GAP43: variants seen among roughly 807,000 people sequenced by gnomAD.
GAP43 encodes the protein neuromodulin.
GAP43 carries 6 observed loss-of-function variants against 18.6 expected under a neutral mutation model. That is an observed-to-expected ratio of 0.32 (90% CI 0.18 to 0.64). GAP43 has a LOEUF of 0.64. Ranked by LOEUF, GAP43 falls within the 30% of genes least tolerant of loss-of-function variation. The probability of loss-of-function intolerance (pLI) is 0.78; values close to 1 mark genes in which losing one functional copy is unlikely to be tolerated. For synonymous variants in GAP43, 115 were observed against 111.4 expected (o/e 1.03, Z -0.20); for missense variants, 292 against 295.5 (o/e 0.99, Z 0.09).
intron 2 of GAP43, among the ~76,000 whole-genome samples, chr3:115,717,519 A>G (rs1185305371): frequency 3.3e-5 from 5 of 151,830 alleles, no homozygotes; most frequent in Admixed American, 6.6e-5. Flanking sequence ...ATTTTGGCCA[A>G]GCTGGTCCCG....
rs1709578230 is a variant in GAP43, at chr3:115,721,386, A to C, written c.*504A>C. The C allele has an allele frequency of 6.6e-6, 1 of 152,244 alleles. No individual in the cohort carries two copies. Among genetic ancestry groups the C allele is most frequent in the Admixed American group, 6.5e-5 (1 of 15,282 alleles). 9.4% of individuals were successfully genotyped at this position (152,244 alleles called of 1,614,324 possible). On this transcript the variant is annotated 3_prime_UTR_variant, in exon 3 of 3. Transcript: ENST00000305124. ...AATTCAAAAAACCCAGTTTGTTTTA[A>C]AAATAAATAAATAAAGCAAATGTGC... is the stretch of plus-strand genomic sequence containing the variant.
intron 2 of GAP43, among the ~76,000 whole-genome samples, chr3:115,712,948 G>T (rs1577003525): frequency 6.6e-6 from 1 of 152,204 alleles, no homozygotes; most frequent in African/African-American, 2.4e-5. Flanking sequence ...TGGGGGCAGA[G>T]ATGTTACTTG....
intron 2 of GAP43, among the ~76,000 whole-genome samples, chr3:115,719,888 G>GTAAAC (rs1709555568): frequency 6.6e-6 from 1 of 152,138 alleles, no homozygotes; most frequent in Non-Finnish European, 1.5e-5. Flanking sequence ...TAGCATATTA[G>GTAAAC]TAAACTATCA....
In GAP43 at chr3:115,646,437, T is replaced by C. The variant is rs181459230; in HGVS notation, c.30+22718T>C. Among the ~76,000 whole-genome samples, 566 of 152,224 alleles carry C rather than the reference T, an allele frequency of 3.7e-3. 2 individuals are homozygous for C. Among genetic ancestry groups the C allele is most frequent in the African/African-American group, 0.013 (534 of 41,556 alleles). ...AGGATAGTAGCTGAAGAATAAGACC[T>C]CAAGATTATAGCATTTAAACTTTGC... On this transcript the variant is annotated intron_variant, in intron 1 of 2. Transcript: ENST00000305124.
chr3:115,623,741 T>C, intron 1 of GAP43, 22 bp downstream of exon 1: 1 of 1,613,876 alleles, frequency 6.2e-7, no homozygotes, highest in Non-Finnish European at 8.5e-7. Flanking sequence ...GATTTTTTAC[T>C]TCTTGCTGTT....
At chr3:115,711,893 G>C (rs953398998) in intron 2 of GAP43, among the ~76,000 whole-genome samples, 3 of 152,074 alleles carry the variant, frequency 2.0e-5, no homozygotes, top group African/African-American at 7.2e-5. Context: ...TGTAATAATG[G>C]TAAGAAATAA....
chr3:115,703,421 G>A (rs965178965), intron 2 of GAP43, among the ~76,000 whole-genome samples: 1 of 152,020 alleles, frequency 6.6e-6, no homozygotes, highest in African/African-American at 2.4e-5. Context: ...AAACTTAGAG[G>A]GAGTAGATTT....
At chr3:115,631,953 A>G (rs752571950) in intron 1 of GAP43, among the ~76,000 whole-genome samples, 4 of 152,166 alleles carry the variant, frequency 2.6e-5, no homozygotes, top group African/African-American at 7.2e-5. Context: ...GGATGGGAAC[A>G]TAGTATCTGT....
At chr3:115,627,464 G>A (rs961703382) in intron 1 of GAP43, among the ~76,000 whole-genome samples, 1 of 151,388 alleles carries the variant, frequency 6.6e-6, no homozygotes. Context: ...AGAGTGGCTT[G>A]GGGTCTCCTT....
At chr3:115,718,600 G>T (rs1418499333) in intron 2 of GAP43, among the ~76,000 whole-genome samples, 1 of 152,138 alleles carries the variant, frequency 6.6e-6, no homozygotes, top group Non-Finnish European at 1.5e-5. Flanking sequence ...CTTATAAGTA[G>T]TAGTAGGTAG....
Position 115,627,045 on chromosome 3 carries a change from T to C in GAP43, c.30+3326T>C, listed in dbSNP as rs183470427. Among the ~76,000 whole-genome samples, 293 of 151,564 alleles carry C rather than the reference T, an allele frequency of 1.9e-3. 1 individual carries two copies. Among genetic ancestry groups the C allele is most frequent in the African/African-American group, 6.3e-3 (260 of 41,388 alleles). On this transcript the variant is annotated intron_variant, in intron 1 of 2. Transcript: ENST00000305124. Reference sequence around the variant, plus strand: ...AATATAATTGAAGCTTCTCGTTCTTTTTTTTTTTTTTAATAGTGATTTTCA... The same window carrying C: ...AATATAATTGAAGCTTCTCGTTCTTCTTTTTTTTTTTAATAGTGATTTTCA...
chr3:115,663,839 G>A, intron 1 of GAP43: 1 of 1,551,984 alleles, frequency 6.4e-7, no homozygotes, highest in Non-Finnish European at 8.7e-7. Context: ...TTGCCTGGGA[G>A]GCTTGAGGAA....
intron 1 of GAP43, among the ~76,000 whole-genome samples, chr3:115,635,059 C>A (rs1708311045): frequency 6.6e-6 from 1 of 152,090 alleles, no homozygotes; most frequent in Non-Finnish European, 1.5e-5. Context: ...AACACCAATT[C>A]TTTCTTTAGT....
At chr3:115,663,783 C>A (rs768145260) in intron 1 of GAP43, 3 of 1,551,682 alleles carry the variant, frequency 1.9e-6, no homozygotes, top group Middle Eastern at 1.7e-4. Context: ...CTGGCGATGA[C>A]AAAGTCCTGC....
chr3:115,694,844 T>C (rs2107361172), intron 2 of GAP43, among the ~76,000 whole-genome samples: 1 of 152,378 alleles, frequency 6.6e-6, no homozygotes, highest in Middle Eastern at 3.4e-3. Context: ...TAATAATTGC[T>C]ATTCATGTCA....
At chr3:115,629,507 C>A (rs1241903910) in intron 1 of GAP43, among the ~76,000 whole-genome samples, 1 of 151,884 alleles carries the variant, frequency 6.6e-6, no homozygotes, top group African/African-American at 2.4e-5. Flanking sequence ...TCCCTCTCAG[C>A]CTGAAATATT....
At chr3:115,651,181 A>G (rs1431251313) in intron 1 of GAP43, among the ~76,000 whole-genome samples, 1 of 152,154 alleles carries the variant, frequency 6.6e-6, no homozygotes, top group Non-Finnish European at 1.5e-5. Flanking sequence ...TCACACTGAG[A>G]AACCTTTTAT....
At chr3:115,640,390 C>T (rs535579479) in intron 1 of GAP43, among the ~76,000 whole-genome samples, 10 of 152,074 alleles carry the variant, frequency 6.6e-5, no homozygotes, top group South Asian at 2.1e-4. Context: ...TTGAGAGACC[C>T]GCCAGTCATG....
chr3:115,688,799 A>G (rs1331620624), intron 2 of GAP43, among the ~76,000 whole-genome samples: 1 of 152,158 alleles, frequency 6.6e-6, no homozygotes, highest in Non-Finnish European at 1.5e-5. Flanking sequence ...TACTTGAAAA[A>G]CCACTCATAC....
Sources: allele counts gnomAD v4.1 joint callset (sites outside exome capture counted in the v4.1 genomes callset), GRCh38; gene constraint gnomAD v4.1.1; transcripts MANE v1.5; gene names NCBI Gene and HGNC (gene_info 2026-07-23, HGNC 2026-07-21).